NLN: variants seen among roughly 807,000 people sequenced by gnomAD.
NLN encodes the protein neurolysin.
NLN carries 64 observed loss-of-function variants against 79.9 expected under a neutral mutation model. That is an observed-to-expected ratio of 0.80 (90% CI 0.65 to 0.99). The LOEUF is 0.99. Ranked by LOEUF, NLN falls within the 50% of genes least tolerant of loss-of-function variation. The pLI is 0.00. For missense variants in NLN, 835 were observed against 858.7 expected (o/e 0.97, Z 0.34); for synonymous variants, 267 against 296.6 (o/e 0.90, Z 1.02).
At chr5:65,746,905 G>A (rs996280152) in intron 1 of NLN, among the ~76,000 whole-genome samples, 6 of 151,970 alleles carry the variant, frequency 3.9e-5, no homozygotes, top group Admixed American at 3.9e-4. Context: ...TCGGGAGGCT[G>A]AGGCAGGAGA....
At position 65,750,223 on chromosome 5, in the gene NLN, G is replaced by C. The variant is rs73099382; in HGVS notation, c.42-8344G>C. 2.4e-3 allele frequency among the ~76,000 whole-genome samples: 368 copies of C among 152,332 alleles called. 2 individuals are homozygous for C. The highest frequency in any genetic ancestry group is 8.7e-3 in the African/African-American group (360 of 41,572). On this transcript the variant is annotated intron_variant, in intron 1 of 12. Transcript: ENST00000380985. ...AAACATTCTCTATCTGTGCTGTCTAGTGTGGTACCCACTTACTACAAGTGG... is the reference window on the plus strand; with the variant it reads ...AAACATTCTCTATCTGTGCTGTCTACTGTGGTACCCACTTACTACAAGTGG...
At chr5:65,747,554 G>A (rs1759010763) in intron 1 of NLN, among the ~76,000 whole-genome samples, 1 of 152,124 alleles carries the variant, frequency 6.6e-6, no homozygotes, top group South Asian at 2.1e-4. Context: ...TGTGCAACCT[G>A]AGGTGAAACT....
chr5:65,759,898 T>C (rs1284387850), intron 2 of NLN, among the ~76,000 whole-genome samples: 1 of 152,214 alleles, frequency 6.6e-6, no homozygotes, highest in Non-Finnish European at 1.5e-5. Flanking sequence ...TTACATACAT[T>C]ATTTTTATAA....
At position 65,812,313 on chromosome 5, in the gene NLN, T is replaced by C; in HGVS notation, c.1902T>C (p.Tyr634=). 2 of 1,602,114 alleles carry C rather than the reference T, an allele frequency of 1.2e-6. No homozygotes were observed. Among genetic ancestry groups the C allele is most frequent in the Non-Finnish European group, 1.7e-6 (2 of 1,169,086 alleles). ...CAGGGGGATACGATGGCCAATATTA[T>C]GGATATCTTTGGAGTGAAGTATTTT... The part of the protein sequence containing the change: ...HLAGGYDGQY[Y]GYLWSEVFSM... Residue 634 remains tyrosine (Y), a synonymous_variant, in exon 12 of 13, where the codon TAT becomes TAC. Transcript: ENST00000380985.
intron 3 of NLN, among the ~76,000 whole-genome samples, chr5:65,768,009 C>A (rs1759489017): frequency 1.3e-5 from 2 of 152,194 alleles, no homozygotes; most frequent in South Asian, 4.1e-4. Flanking sequence ...TCATTATCAG[C>A]ATTTTTGGTC....
At chr5:65,760,494 G>A (rs953204299) in intron 2 of NLN, among the ~76,000 whole-genome samples, 11 of 152,102 alleles carry the variant, frequency 7.2e-5, no homozygotes, top group African/African-American at 2.7e-4. Flanking sequence ...AGTCACTTGT[G>A]GCCAAGATGG....
chr5:65,722,378 T>A lies in NLN; in HGVS notation c.5T>A (p.Ile2Asn). ...CGCCAGCCTCTCAGCGCTCCCATGATCGCCCGGTGCCTTTTGGCTGTGCGA... is the reference window on the plus strand; with the variant it reads ...CGCCAGCCTCTCAGCGCTCCCATGAACGCCCGGTGCCTTTTGGCTGTGCGA... MIARCLLAVRSL... is the reference protein window; with the variant it reads MNARCLLAVRSL... The change falls in exon 1 of 13, where the codon ATC (isoleucine) becomes AAC (asparagine). Residue 2 changes from isoleucine to asparagine, a missense_variant. Ile to Asn is a moderately radical substitution (Grantham distance 149, BLOSUM62 -3). Coordinates refer to ENST00000380985, the MANE Select transcript of NLN (RefSeq NM_020726.5). The A allele has an allele frequency of 6.3e-7, 1 of 1,584,092 alleles. No homozygotes were observed. The highest frequency in any genetic ancestry group is 1.2e-5 in the South Asian group (1 of 86,798).
chr5:65,743,094 G>A (rs529005164), intron 1 of NLN, among the ~76,000 whole-genome samples: 6 of 152,192 alleles, frequency 3.9e-5, no homozygotes, highest in African/African-American at 1.4e-4. Context: ...CATTCTAGTA[G>A]AATTACAAGG....
chr5:65,787,392 C>T (rs539165739), intron 7 of NLN, among the ~76,000 whole-genome samples: 2 of 152,250 alleles, frequency 1.3e-5, no homozygotes, highest in Admixed American at 6.5e-5. Context: ...CGGTATTCCT[C>T]GGGCTGCTCC....
Position 65,762,046 on chromosome 5 carries a change from G to C in NLN, c.302-914G>C, listed in dbSNP as rs138370235. Among the ~76,000 whole-genome samples, 364 of 152,150 alleles carry C rather than the reference G, an allele frequency of 2.4e-3. 1 individual carries two copies. Among genetic ancestry groups the C allele is most frequent in the Middle Eastern group, 6.8e-3 (2 of 294 alleles). On this transcript the variant is annotated intron_variant, in intron 2 of 12. Coordinates refer to ENST00000380985, the MANE Select transcript of NLN (RefSeq NM_020726.5). Reference sequence around the variant, plus strand: ...AGTATTGGTTATTTCACTGACATCAGAGATTTTTACCCAATTAAAGTTAAA... The same window carrying C: ...AGTATTGGTTATTTCACTGACATCACAGATTTTTACCCAATTAAAGTTAAA...
chr5:65,756,682 T>C (rs1359651335), intron 1 of NLN, among the ~76,000 whole-genome samples: 1 of 152,162 alleles, frequency 6.6e-6, no homozygotes, highest in East Asian at 1.9e-4. Flanking sequence ...TTTTAATGTT[T>C]CGTAGAGACA....
chr5:65,807,219 G>A (rs1186107240), intron 9 of NLN, among the ~76,000 whole-genome samples: 2 of 151,066 alleles, frequency 1.3e-5, no homozygotes, highest in African/African-American at 4.9e-5. Context: ...AAGGAAGAAG[G>A]AAATTGCCAC....
chr5:65,723,926 G>T (rs1409144626), intron 1 of NLN, among the ~76,000 whole-genome samples: 2 of 148,536 alleles, frequency 1.3e-5, no homozygotes, highest in African/African-American at 2.5e-5. Flanking sequence ...TGGTATATCT[G>T]TCTATATTTA....
chr5:65,803,700 C>T (rs1184281791), intron 9 of NLN, among the ~76,000 whole-genome samples: 2 of 152,062 alleles, frequency 1.3e-5, no homozygotes, highest in African/African-American at 4.8e-5. Context: ...GGGCTCCTGC[C>T]TGCTCCTGGC....
chr5:65,750,877 G>GTCCT (rs1759087734), intron 1 of NLN, among the ~76,000 whole-genome samples: 1 of 152,186 alleles, frequency 6.6e-6, no homozygotes. Context: ...AAATAAAGGA[G>GTCCT]TCCTATATGG....
At chr5:65,728,989 G>A (rs539808102) in intron 1 of NLN, among the ~76,000 whole-genome samples, 1 of 152,152 alleles carries the variant, frequency 6.6e-6, no homozygotes, top group East Asian at 1.9e-4. Context: ...GACTACAGGT[G>A]TTTGCCACCA....
At chr5:65,808,332 G>T (rs998121430) in intron 9 of NLN, among the ~76,000 whole-genome samples, 19 of 152,310 alleles carry the variant, frequency 1.2e-4, no homozygotes, top group African/African-American at 4.3e-4. Flanking sequence ...GCCTTCTCTG[G>T]TGGTTACATC....
At chr5:65,748,495 C>T (rs190176580) in intron 1 of NLN, among the ~76,000 whole-genome samples, 31 of 152,164 alleles carry the variant, frequency 2.0e-4, no homozygotes, top group Admixed American at 2.0e-3. Context: ...CACAGTGGCT[C>T]ATGCCTGTAA....
chr5:65,809,572 T>C lies in NLN; in HGVS notation c.1585T>C (p.Ser529Pro). The C allele has an allele frequency of 6.2e-7, 1 of 1,613,640 alleles. No individual in the cohort carries two copies. Among genetic ancestry groups the C allele is most frequent in the Middle Eastern group, 1.7e-4 (1 of 6,060 alleles). The change falls in exon 10 of 13, where the codon TCG (serine) becomes CCG (proline). Residue 529 changes from serine to proline, a missense_variant. Transcript: ENST00000380985. ...GGAAACTGACTTTGTAGAGGTGCCA[T>C]CGCAAATGCTTGAAAATTGGGTGTG... Reference protein sequence around the residue: ...NVETDFVEVPSQMLENWVWDV... With the variant: ...NVETDFVEVPPQMLENWVWDV...
Sources: gnomAD v4.1 joint callset for allele counts (sites outside exome capture counted in the v4.1 genomes callset) on GRCh38, gnomAD v4.1.1 for gene constraint, MANE v1.5 for transcripts, NCBI Gene and HGNC (gene_info 2026-07-23, HGNC 2026-07-21) for gene names.